Variants in TRIM2 observed in about 807,000 individuals in gnomAD.
TRIM2 encodes the protein tripartite motif-containing protein 2.
A neutral mutation model predicts 75.2 loss-of-function variants in TRIM2; 20 were observed. The observed-to-expected ratio is 0.27, with a 90% CI of 0.19 to 0.39. TRIM2 has a LOEUF of 0.39. Among genes scored for constraint, TRIM2 ranks in the 10% least tolerant of loss-of-function variants. TRIM2 has a pLI of 1.00. For synonymous variants in TRIM2, 373 were observed against 388.3 expected (o/e 0.96, Z 0.46); for missense variants, 660 against 990.8 (o/e 0.67, Z 4.48).
At chr4:153,213,947 C>T (rs894890012) in intron 1 of TRIM2, among the ~76,000 whole-genome samples, 2 of 151,336 alleles carry the variant, frequency 1.3e-5, no homozygotes, top group African/African-American at 2.4e-5. Context: ...TTCCAGATTG[C>T]ACAATTAGAA....
intron 3 of TRIM2, among the ~76,000 whole-genome samples, chr4:153,278,674 C>T (rs1138111): frequency 0.4 from 60,098 of 151,906 alleles, 14,044 homozygotes; most frequent in African/African-American, 0.66. Context: ...TGGGGCTGCA[C>T]CTGTAGTCCC....
chr4:153,165,084 C>T (rs62325532), intron 1 of TRIM2, among the ~76,000 whole-genome samples: 19,581 of 152,226 alleles, frequency 0.13, 1,385 homozygotes, highest in Admixed American at 0.23. Flanking sequence ...CACTTCTCCA[C>T]TCCCTCTGGG....
chr4:153,324,262 G>A (rs557300066), intron 10 of TRIM2, 114 bp downstream of exon 10: 1 of 836,346 alleles, frequency 1.2e-6, no homozygotes, highest in South Asian at 1.8e-5. Context: ...AACCAGCAGA[G>A]TAGACTTTGT....
At chr4:153,184,479 T>C (rs576893090) in intron 1 of TRIM2, among the ~76,000 whole-genome samples, 1 of 152,138 alleles carries the variant, frequency 6.6e-6, no homozygotes, top group Non-Finnish European at 1.5e-5. Flanking sequence ...TACAGCCACA[T>C]TGGGGGCTAG....
At chr4:153,257,673 G>T in intron 1 of TRIM2, 1 of 1,127,860 alleles carries the variant, frequency 8.9e-7, no homozygotes, top group Non-Finnish European at 1.2e-6. Flanking sequence ...AGAAACGTGC[G>T]TTGTTCTTTT....
At chr4:153,307,912 C>T in intron 6 of TRIM2, 1 of 752,098 alleles carries the variant, frequency 1.3e-6, no homozygotes, top group Non-Finnish European at 2.5e-6. Context: ...AGGACCTTAT[C>T]TTGAGTCCCC....
intron 1 of TRIM2, among the ~76,000 whole-genome samples, chr4:153,209,556 C>G (rs771434881): frequency 1.3e-5 from 2 of 152,166 alleles, no homozygotes; most frequent in Non-Finnish European, 2.9e-5. Context: ...CCACCTGTGC[C>G]TTCAAGTACC....
At chr4:153,198,628 A>G (rs1361013054) in intron 1 of TRIM2, among the ~76,000 whole-genome samples, 2 of 152,212 alleles carry the variant, frequency 1.3e-5, no homozygotes, top group African/African-American at 2.4e-5. Context: ...ACCCAGTTCC[A>G]TTCACCATAT....
chr4:153,323,523 C>A (rs748563205), intron 9 of TRIM2, among the ~76,000 whole-genome samples: 1 of 151,916 alleles, frequency 6.6e-6, no homozygotes, highest in African/African-American at 2.4e-5. Context: ...GCTCTGTCAC[C>A]CAGGCTGGAG....
chr4:153,205,827 A>G (rs1735258622), intron 1 of TRIM2, among the ~76,000 whole-genome samples: 1 of 152,158 alleles, frequency 6.6e-6, no homozygotes, highest in African/African-American at 2.4e-5. Flanking sequence ...TGTTTTTCAA[A>G]TGAATTTGAC....
At chr4:153,313,316 A>G (rs906841103) in intron 6 of TRIM2, among the ~76,000 whole-genome samples, 2 of 152,168 alleles carry the variant, frequency 1.3e-5, no homozygotes, top group East Asian at 3.8e-4. Flanking sequence ...CTTTCACGCT[A>G]GTGCGAGTAG....
intron 6 of TRIM2, among the ~76,000 whole-genome samples, chr4:153,311,041 T>G (rs1766173362): frequency 6.6e-6 from 1 of 152,208 alleles, no homozygotes; most frequent in African/African-American, 2.4e-5. Flanking sequence ...TTAGCAGGTA[T>G]GGAACATCTC....
At chr4:153,258,766 T>C (rs1480491894) in intron 1 of TRIM2, among the ~76,000 whole-genome samples, 1 of 152,222 alleles carries the variant, frequency 6.6e-6, no homozygotes, top group Non-Finnish European at 1.5e-5. Context: ...CCAGTTTATA[T>C]GTAAGGAGAG....
intron 1 of TRIM2, among the ~76,000 whole-genome samples, chr4:153,162,163 A>G (rs1464738326): frequency 1.3e-5 from 2 of 152,216 alleles, no homozygotes; most frequent in African/African-American, 2.4e-5. Flanking sequence ...ATCTTCAAGA[A>G]ATACTTGTTT....
At chr4:153,330,004 T>G (rs1278038290) in intron 11 of TRIM2, among the ~76,000 whole-genome samples, 1 of 152,096 alleles carries the variant, frequency 6.6e-6, no homozygotes, top group East Asian at 1.9e-4. Context: ...TTAATACATG[T>G]TCTGTAGACA....
chr4:153,172,257 G>A (rs1427672183), intron 1 of TRIM2, among the ~76,000 whole-genome samples: 2 of 151,780 alleles, frequency 1.3e-5, no homozygotes, highest in Admixed American at 6.6e-5. Context: ...GTGCTATCTT[G>A]GCTCACTGCA....
At position 153,259,649 on chromosome 4, in the gene TRIM2, G is replaced by A. The variant is rs75536194; in HGVS notation, c.31-10686G>A. ...TGATGATTTGCACATACCTGTGATAGCCTTTTTCTTTAATCTCTGGTGCCA... is the reference window on the plus strand; with the variant it reads ...TGATGATTTGCACATACCTGTGATAACCTTTTTCTTTAATCTCTGGTGCCA... On this transcript the variant is annotated intron_variant, in intron 1 of 11. Transcript: ENST00000338700. Among the ~76,000 whole-genome samples the A allele has an allele frequency of 2.6e-3, 389 of 152,254 alleles. 12 individuals are homozygous for A. In the East Asian group the frequency reaches 0.055, roughly 22 times the overall value.
intron 3 of TRIM2, among the ~76,000 whole-genome samples, chr4:153,279,363 T>G (rs1008718699): frequency 6.6e-6 from 1 of 152,236 alleles, no homozygotes; most frequent in Non-Finnish European, 1.5e-5. Context: ...TTTCCCATTG[T>G]GTAAAGCAAG....
At chr4:153,218,994 AC>A (rs33910814) in intron 1 of TRIM2, among the ~76,000 whole-genome samples, 113,773 of 151,782 alleles carry the variant, frequency 0.75, 43,748 homozygotes, top group African/African-American at 0.91. Flanking sequence ...CCTTGTCCTG[AC>A]CCCCCCCATT....
Sources: gnomAD v4.1 joint callset for allele counts (sites outside exome capture counted in the v4.1 genomes callset) on GRCh38, gnomAD v4.1.1 for gene constraint, MANE v1.5 for transcripts, NCBI Gene and HGNC (gene_info 2026-07-23, HGNC 2026-07-21) for gene names.